FHIT: variants seen among roughly 807,000 people sequenced by gnomAD.
FHIT encodes the protein fragile histidine triad diadenosine triphosphatase.
FHIT carries 19 observed loss-of-function variants against 17.9 expected under a neutral mutation model. That is an observed-to-expected ratio of 1.06 (90% CI 0.74 to 1.56). FHIT has a LOEUF of 1.56. Among genes scored for constraint, FHIT ranks in the 40% most tolerant of loss-of-function variants. FHIT has a pLI of 0.00. For synonymous variants in FHIT, 81 were observed against 69.7 expected (o/e 1.16, Z -0.81); for missense variants, 248 against 189.2 (o/e 1.31, Z -1.82).
chr3:60,979,551 C>A lies in FHIT; in HGVS notation c.-111+62496G>T, dbSNP rs560013075. On this transcript the variant is annotated intron_variant, in intron 3 of 9. Transcript: ENST00000492590. ...TGTCCTACCTCCTCTGGCAGTTCTC[C>A]AGGGCAGACAGGGCTGGCAGCGGAT... Among the ~76,000 whole-genome samples, 5 of 152,244 alleles carry A rather than the reference C, an allele frequency of 3.3e-5. No homozygotes were observed. In the East Asian group the frequency reaches 9.7e-4, roughly 29 times the overall value.
At chr3:60,316,019 A>T (rs1047706649) in intron 5 of FHIT, among the ~76,000 whole-genome samples, 1 of 152,190 alleles carries the variant, frequency 6.6e-6, no homozygotes, top group Admixed American at 6.6e-5. Context: ...CTAACTACAC[A>T]ATAGTATTGT....
chr3:59,981,564 G>A (rs964714538), intron 7 of FHIT, among the ~76,000 whole-genome samples: 3 of 152,034 alleles, frequency 2.0e-5, no homozygotes, highest in Non-Finnish European at 2.9e-5. Context: ...CCACATTACC[G>A]AACCTATAGA....
At chr3:60,003,874 T>TA (rs1284675161) in intron 7 of FHIT, among the ~76,000 whole-genome samples, 3 of 143,022 alleles carry the variant, frequency 2.1e-5, no homozygotes, top group East Asian at 4.0e-4. Context: ...TTTTTTTTTT[T>TA]AACAGAATTG....
At chr3:59,784,343 G>A (rs535800601) in intron 8 of FHIT, among the ~76,000 whole-genome samples, 1 of 152,334 alleles carries the variant, frequency 6.6e-6, no homozygotes, top group East Asian at 1.9e-4. Context: ...AAGGTGAGTG[G>A]TCTTTTTGAA....
intron 2 of FHIT, among the ~76,000 whole-genome samples, chr3:61,148,469 T>C (rs2037290762): frequency 6.6e-6 from 1 of 152,164 alleles, no homozygotes; most frequent in African/African-American, 2.4e-5. Flanking sequence ...TGCATTCTTT[T>C]GTTTGTGGCT....
chr3:60,639,947 C>T (rs1236572776), intron 4 of FHIT, among the ~76,000 whole-genome samples: 3 of 152,178 alleles, frequency 2.0e-5, no homozygotes, highest in African/African-American at 7.2e-5. Context: ...CAATGGAATA[C>T]TATTCTGCAA....
intron 4 of FHIT, among the ~76,000 whole-genome samples, chr3:60,744,246 T>TAAAAAAAA (rs368982395): frequency 6.5e-4 from 20 of 30,890 alleles, no homozygotes; most frequent in Admixed American, 1.4e-3. Context: ...GGAAGTAATG[T>TAAAAAAAA]AAAAAAAAAA....
chr3:60,063,948 C>T (rs1448989296), intron 5 of FHIT, among the ~76,000 whole-genome samples: 1 of 152,138 alleles, frequency 6.6e-6, no homozygotes, highest in Non-Finnish European at 1.5e-5. Flanking sequence ...TGCTTTGAAA[C>T]AAGCTAAGTG....
At chr3:60,315,307 C>A (rs1033185644) in intron 5 of FHIT, among the ~76,000 whole-genome samples, 1 of 152,114 alleles carries the variant, frequency 6.6e-6, no homozygotes, top group Non-Finnish European at 1.5e-5. Context: ...CCAGAACATA[C>A]AATAAAATGG....
At chr3:60,176,336 AGT>A (rs1234296611) in intron 5 of FHIT, among the ~76,000 whole-genome samples, 1 of 152,166 alleles carries the variant, frequency 6.6e-6, no homozygotes, top group Non-Finnish European at 1.5e-5. Flanking sequence ...TGGGTGACAG[AGT>A]GAGACTCCAT....
At chr3:60,925,030 AC>A (rs1707507658) in intron 3 of FHIT, among the ~76,000 whole-genome samples, 1 of 152,166 alleles carries the variant, frequency 6.6e-6, no homozygotes, top group Non-Finnish European at 1.5e-5. Context: ...AAAGAAATGA[AC>A]AAAGCCTACA....
At chr3:60,265,964 T>C (rs1706554100) in intron 5 of FHIT, among the ~76,000 whole-genome samples, 1 of 151,894 alleles carries the variant, frequency 6.6e-6, no homozygotes. Flanking sequence ...TTGCAGGTGA[T>C]CATGTAAAAT....
At chr3:60,539,365 C>G (rs1476108337) in intron 4 of FHIT, among the ~76,000 whole-genome samples, 1 of 152,168 alleles carries the variant, frequency 6.6e-6, no homozygotes, top group Admixed American at 6.5e-5. Flanking sequence ...CTAGTTCAAC[C>G]ATTGTGGAAG....
intron 7 of FHIT, among the ~76,000 whole-genome samples, chr3:59,966,824 A>T (rs1707948561): frequency 6.6e-6 from 1 of 152,160 alleles, no homozygotes; most frequent in Admixed American, 6.6e-5. Flanking sequence ...CTTTCTGTAC[A>T]CTGTATACTT....
chr3:60,870,303 T>C (rs560241167), intron 3 of FHIT, among the ~76,000 whole-genome samples: 3 of 151,854 alleles, frequency 2.0e-5, no homozygotes, highest in Admixed American at 6.6e-5. Flanking sequence ...TTTCAACTGA[T>C]AGAGAATATT....
At chr3:60,689,403 T>C (rs2040936531) in intron 4 of FHIT, among the ~76,000 whole-genome samples, 1 of 152,212 alleles carries the variant, frequency 6.6e-6, no homozygotes, top group African/African-American at 2.4e-5. Flanking sequence ...ACTATTTATA[T>C]AGCATTTACA....
At chr3:60,174,951 T>C (rs950105490) in intron 5 of FHIT, among the ~76,000 whole-genome samples, 1 of 152,216 alleles carries the variant, frequency 6.6e-6, no homozygotes, top group African/African-American at 2.4e-5. Flanking sequence ...GCCTGGCACG[T>C]AGTGAATTTT....
chr3:60,914,743 C>A (rs978293975), intron 3 of FHIT, among the ~76,000 whole-genome samples: 3 of 152,108 alleles, frequency 2.0e-5, no homozygotes, highest in South Asian at 2.1e-4. Context: ...AGCAATATAA[C>A]CTTGTATTAA....
At chr3:60,314,004 T>C (rs1709060107) in intron 5 of FHIT, among the ~76,000 whole-genome samples, 1 of 152,224 alleles carries the variant, frequency 6.6e-6, no homozygotes, top group African/African-American at 2.4e-5. Context: ...AATGCAGATT[T>C]TGTGTGCACA....
Sources: gnomAD v4.1 joint callset for allele counts (sites outside exome capture counted in the v4.1 genomes callset) on GRCh38, gnomAD v4.1.1 for gene constraint, MANE v1.5 for transcripts, NCBI Gene and HGNC (gene_info 2026-07-23, HGNC 2026-07-21) for gene names.